Variants in ARNT2 observed in about 807,000 individuals in gnomAD.
The protein encoded by ARNT2 is aryl hydrocarbon receptor nuclear translocator 2.
Under a neutral mutation model 91.7 loss-of-function variants are expected in ARNT2, and 36 were observed. The observed-to-expected ratio is 0.39, with a 90% CI of 0.30 to 0.52. The LOEUF is 0.52. ARNT2 is among the 20% of genes least tolerant of loss of function. The pLI is 0.72. For synonymous variants in ARNT2, 365 were observed against 347.1 expected (o/e 1.05, Z -0.57); for missense variants, 775 against 939.3 (o/e 0.83, Z 2.29).
At chr15:80,467,607 G>A (rs758065881) in intron 3 of ARNT2, among the ~76,000 whole-genome samples, 2 of 152,248 alleles carry the variant, frequency 1.3e-5, no homozygotes, top group Non-Finnish European at 2.9e-5. Context: ...ACTCATGCGT[G>A]TACTGCCCAT....
chr15:80,409,964 C>G (rs895496121), intron 1 of ARNT2, among the ~76,000 whole-genome samples: 3 of 152,122 alleles, frequency 2.0e-5, no homozygotes, highest in Non-Finnish European at 4.4e-5. Context: ...GGCCAGCTCA[C>G]GGGGGACCAC....
In ARNT2 at chr15:80,485,587, G is replaced by A. The variant is rs896321820; in HGVS notation, c.622+10364G>A. Among the ~76,000 whole-genome samples, 3 of 152,234 alleles carry A rather than the reference G, an allele frequency of 2.0e-5. 1 individual carries two copies. The highest frequency in any genetic ancestry group is 4.4e-5 in the Non-Finnish European group (3 of 68,038). On this transcript the variant is annotated intron_variant, in intron 5 of 18. Coordinates refer to ENST00000303329, the MANE Select transcript of ARNT2 (RefSeq NM_014862.4). ...GAACAAACAATACAGAATGGGACAT[G>A]TCTGGGCAGGTTGGAGAATGCCCCT...
At chr15:80,547,299 G>A (rs1898005174) in intron 8 of ARNT2, among the ~76,000 whole-genome samples, 1 of 152,162 alleles carries the variant, frequency 6.6e-6, no homozygotes, top group South Asian at 2.1e-4. Context: ...TGTCCTGGTG[G>A]TCATTGTATT....
chr15:80,497,937 G>A (rs555354324), intron 5 of ARNT2, among the ~76,000 whole-genome samples: 9 of 152,162 alleles, frequency 5.9e-5, no homozygotes, highest in African/African-American at 1.7e-4. Flanking sequence ...TTCCACTTTC[G>A]TGTTAGTCTC....
chr15:80,521,061 G>A (rs1323873427), intron 8 of ARNT2, among the ~76,000 whole-genome samples: 1 of 152,112 alleles, frequency 6.6e-6, no homozygotes, highest in Non-Finnish European at 1.5e-5. Flanking sequence ...AACATTCCTA[G>A]ACACGATGTT....
At chr15:80,505,127 T>C (rs1205178464) in intron 5 of ARNT2, among the ~76,000 whole-genome samples, 1 of 152,266 alleles carries the variant, frequency 6.6e-6, no homozygotes, top group Non-Finnish European at 1.5e-5. Flanking sequence ...CACTTTTATG[T>C]ATGTTGTATC....
intron 1 of ARNT2, chr15:80,441,520 T>TATTTGA (rs1214483742): frequency 2.5e-6 from 1 of 396,534 alleles, no homozygotes; most frequent in Non-Finnish European, 3.4e-6. Context: ...GTTTTTCATT[T>TATTTGA]ATTTGAATGG....
chr15:80,441,489 A>C, intron 1 of ARNT2: 1 of 706,162 alleles, frequency 1.4e-6, no homozygotes, highest in Non-Finnish European at 1.7e-6. Context: ...CCCCCCTCCC[A>C]GCCATGGAAA....
At chr15:80,452,826 C>T (rs1027565924) in intron 2 of ARNT2, among the ~76,000 whole-genome samples, 11 of 152,196 alleles carry the variant, frequency 7.2e-5, no homozygotes, top group South Asian at 4.1e-4. Flanking sequence ...TGCGGTGAGC[C>T]GAGGCTGCTT....
chr15:80,517,208 T>C (rs1897450547), intron 8 of ARNT2, among the ~76,000 whole-genome samples: 2 of 152,146 alleles, frequency 1.3e-5, no homozygotes, highest in Admixed American at 6.5e-5. Context: ...AGGATTGAAA[T>C]TATGAGATAT....
At chr15:80,575,192 T>A in intron 14 of ARNT2, 82 bp downstream of exon 14, 1 of 1,550,162 alleles carries the variant, frequency 6.5e-7, no homozygotes, top group Non-Finnish European at 8.8e-7. Flanking sequence ...CTACTCTTAG[T>A]AAGAGGGGGC....
chr15:80,590,411 T>G (rs536877121), intron 17 of ARNT2, among the ~76,000 whole-genome samples: 4 of 152,166 alleles, frequency 2.6e-5, no homozygotes, highest in African/African-American at 9.7e-5. Flanking sequence ...ACTTACTGGA[T>G]CCTCTTTGGT....
intron 5 of ARNT2, among the ~76,000 whole-genome samples, chr15:80,482,723 G>C (rs1896908944): frequency 6.6e-6 from 1 of 152,172 alleles, no homozygotes; most frequent in Admixed American, 6.5e-5. Context: ...ATCCTGTGTA[G>C]TCTAGTGGAG....
chr15:80,560,463 C>A (rs371286040), intron 11 of ARNT2, among the ~76,000 whole-genome samples: 10 of 152,098 alleles, frequency 6.6e-5, no homozygotes, highest in Non-Finnish European at 1.3e-4. Context: ...CAGAACTGCC[C>A]GCTCCCTTGT....
chr15:80,491,436 A>G (rs1273022267), intron 5 of ARNT2, among the ~76,000 whole-genome samples: 1 of 152,156 alleles, frequency 6.6e-6, no homozygotes, highest in Admixed American at 6.5e-5. Flanking sequence ...TGCTCCCATG[A>G]TTCAATTACC....
chr15:80,470,129 G>A, intron 3 of ARNT2, 89 bp from the exon 4 acceptor site: 1 of 1,305,434 alleles, frequency 7.7e-7, no homozygotes, highest in Non-Finnish European at 1.1e-6. Flanking sequence ...TGGTCATTTG[G>A]TGTTAATGGT....
chr15:80,431,721 T>TC (rs1896014758), intron 1 of ARNT2, among the ~76,000 whole-genome samples: 1 of 152,176 alleles, frequency 6.6e-6, no homozygotes, highest in Non-Finnish European at 1.5e-5. Context: ...CCGGTTGTTG[T>TC]CCCTACTTAT....
At chr15:80,514,250 C>T in intron 7 of ARNT2, 70 bp from the exon 8 acceptor site, 1 of 1,502,416 alleles carries the variant, frequency 6.7e-7, no homozygotes, top group South Asian at 1.1e-5. Context: ...GCTTAGATGC[C>T]AGAGGAGTCA....
intron 1 of ARNT2, among the ~76,000 whole-genome samples, chr15:80,411,512 T>C (rs1895680080): frequency 6.6e-6 from 1 of 152,244 alleles, no homozygotes; most frequent in Admixed American, 6.5e-5. Context: ...ATTGAGATTC[T>C]GACTTTTATT....
Sources: allele counts gnomAD v4.1 joint callset (sites outside exome capture counted in the v4.1 genomes callset), GRCh38; gene constraint gnomAD v4.1.1; transcripts MANE v1.5; gene names NCBI Gene and HGNC (gene_info 2026-07-23, HGNC 2026-07-21).